ADGRG6: variants seen among roughly 807,000 people sequenced by gnomAD.
ADGRG6 encodes the protein G-protein coupled receptor 126.
A neutral mutation model predicts 142.4 loss-of-function variants in ADGRG6; 84 were observed. That is an observed-to-expected ratio of 0.59 (90% CI 0.49 to 0.71). The LOEUF is 0.71. Ranked by LOEUF, ADGRG6 falls within the 30% of genes least tolerant of loss-of-function variation. The probability of loss-of-function intolerance (pLI) is 0.00; values close to 1 mark genes in which losing one functional copy is unlikely to be tolerated. For missense variants in ADGRG6, 1,367 were observed against 1,466.6 expected (o/e 0.93, Z 1.11); for synonymous variants, 521 against 520.5 (o/e 1.00, Z -0.01).
At chr6:142,407,616 G>A (rs1232022560) in intron 15 of ADGRG6, among the ~76,000 whole-genome samples, 1 of 152,166 alleles carries the variant, frequency 6.6e-6, no homozygotes, top group Non-Finnish European at 1.5e-5. Flanking sequence ...GCAGATGCTG[G>A]CAAGTATACA....
chr6:142,319,828 T>G (rs1219596070), intron 2 of ADGRG6, among the ~76,000 whole-genome samples: 1 of 152,106 alleles, frequency 6.6e-6, no homozygotes, highest in Admixed American at 6.6e-5. Context: ...GAAAGCATCT[T>G]GAATTGGGAA....
chr6:142,401,278 T>C (rs958530490), intron 11 of ADGRG6, among the ~76,000 whole-genome samples: 1 of 152,200 alleles, frequency 6.6e-6, no homozygotes, highest in Non-Finnish European at 1.5e-5. Context: ...GTTTGAAATG[T>C]GGCTCCATCT....
chr6:142,321,286 T>TATAC (rs1778501161), intron 2 of ADGRG6, among the ~76,000 whole-genome samples: 1 of 147,778 alleles, frequency 6.8e-6, no homozygotes, highest in Non-Finnish European at 1.5e-5. Context: ...TAAGCATGCA[T>TATAC]ACACACACAC....
rs9376686 is a variant in ADGRG6 at position 142,325,564 on chromosome 6, A to T, written c.103+15920A>T. Among the ~76,000 whole-genome samples, 2,099 of 152,284 alleles carry T rather than the reference A, an allele frequency of 0.014. 127 individuals carry two copies. The East Asian group carries it at 0.21, about 15-fold the overall frequency. On this transcript the variant is annotated intron_variant, in intron 2 of 24. Transcript: ENST00000367609. Reference sequence around the variant, plus strand: ...TATTTTTTGCAATATAATGAATTGTATGTTTTGGATTTTTGACATTTTAAA... The same window carrying T: ...TATTTTTTGCAATATAATGAATTGTTTGTTTTGGATTTTTGACATTTTAAA...
At chr6:142,313,063 T>C (rs913920184) in intron 2 of ADGRG6, among the ~76,000 whole-genome samples, 1 of 152,066 alleles carries the variant, frequency 6.6e-6, no homozygotes, top group African/African-American at 2.4e-5. Context: ...AGGCACAGTT[T>C]GGAGAAACAG....
chr6:142,307,200 C>T (rs1489114149), intron 1 of ADGRG6, among the ~76,000 whole-genome samples: 1 of 152,078 alleles, frequency 6.6e-6, no homozygotes, highest in South Asian at 2.1e-4. Context: ...ATTATTCACA[C>T]ATTGATGAAA....
Position 142,302,311 on chromosome 6 carries a change from T to G in ADGRG6, c.-19T>G. 1.2e-6 allele frequency: 2 copies of G among 1,612,814 alleles called. No individual in the cohort carries two copies. The highest frequency in any genetic ancestry group is 1.7e-4 in the Middle Eastern group (1 of 6,056). ...GATGATCTTGCGGCCAAAGGGGACC[T>G]CGGCGCAGTAATGTCAACATGTAAG... On this transcript the variant is annotated 5_prime_UTR_variant, in exon 1 of 25. Transcript: ENST00000367609.
At chr6:142,401,430 T>C (rs1250950848) in intron 11 of ADGRG6, among the ~76,000 whole-genome samples, 1 of 152,226 alleles carries the variant, frequency 6.6e-6, no homozygotes, top group Non-Finnish European at 1.5e-5. Context: ...AAAGCAGTAC[T>C]TGGCCAATGT....
intron 2 of ADGRG6, among the ~76,000 whole-genome samples, chr6:142,349,998 C>T (rs971551260): frequency 2.6e-5 from 4 of 152,162 alleles, no homozygotes; most frequent in African/African-American, 9.6e-5. Flanking sequence ...GATATATTTA[C>T]CATTGAATGA....
In ADGRG6 at chr6:142,443,658, A is replaced by G; in HGVS notation, c.*143A>G. 7.3e-6 allele frequency: 4 copies of G among 549,226 alleles called. No homozygotes were observed. The highest frequency in any genetic ancestry group is 1.2e-5 in the Non-Finnish European group (4 of 320,818). 34.0% of individuals were successfully genotyped at this position (549,226 alleles called of 1,614,324 possible). ...ATTTTGTTAAGAAGGCTTTTGTGAA[A>G]TTCAGAATTTTTCTTTTTAATATAT... is the stretch of plus-strand genomic sequence containing the variant. On this transcript the variant is annotated 3_prime_UTR_variant, in exon 25 of 25. Transcript: ENST00000367609.
At chr6:142,331,275 C>G (rs1352924887) in intron 2 of ADGRG6, among the ~76,000 whole-genome samples, 1 of 152,014 alleles carries the variant, frequency 6.6e-6, no homozygotes, top group African/African-American at 2.4e-5. Context: ...CACTGCCCCT[C>G]CCCTCTGAAT....
chr6:142,348,829 G>C (rs1259442570), intron 2 of ADGRG6, among the ~76,000 whole-genome samples: 2 of 152,126 alleles, frequency 1.3e-5, no homozygotes, highest in Non-Finnish European at 2.9e-5. Flanking sequence ...AGAAAACATG[G>C]TGATCTTTAA....
Position 142,352,441 on chromosome 6 carries a change from A to G in ADGRG6, c.104-15128A>G, listed in dbSNP as rs559093362. 1.2e-4 allele frequency among the ~76,000 whole-genome samples: 18 copies of G among 152,232 alleles called. 2 individuals carry two copies. In the South Asian group the frequency reaches 3.7e-3, roughly 32 times the overall value. On this transcript the variant is annotated intron_variant, in intron 2 of 24. Coordinates refer to ENST00000367609, the MANE Select transcript of ADGRG6 (RefSeq NM_198569.3). ...AATACACATGGACATAAAGACAGGA[A>G]CAGCAGACACTAGGAACTGCTTGAG... is the stretch of plus-strand genomic sequence containing the variant.
intron 2 of ADGRG6, among the ~76,000 whole-genome samples, chr6:142,355,377 T>TA (rs2114795490): frequency 6.6e-6 from 1 of 152,278 alleles, no homozygotes; most frequent in Non-Finnish European, 1.5e-5. Flanking sequence ...TATTTCAAAA[T>TA]GACTTTCCAT....
At chr6:142,349,069 G>A (rs766462987) in intron 2 of ADGRG6, among the ~76,000 whole-genome samples, 2 of 152,220 alleles carry the variant, frequency 1.3e-5, no homozygotes, top group Non-Finnish European at 2.9e-5. Flanking sequence ...TAGTTAGGTG[G>A]TGAGTGGAAC....
intron 2 of ADGRG6, among the ~76,000 whole-genome samples, chr6:142,333,242 TG>T (rs944263420): frequency 2.0e-5 from 3 of 152,178 alleles, no homozygotes; most frequent in African/African-American, 7.2e-5. Flanking sequence ...GGGGACAGAA[TG>T]GGAGACCCAG....
At chr6:142,391,459 AC>A (rs1774893320) in intron 7 of ADGRG6, among the ~76,000 whole-genome samples, 5 of 151,340 alleles carry the variant, frequency 3.3e-5, no homozygotes, top group Non-Finnish European at 7.4e-5. Context: ...ACACACACAC[AC>A]ACACACACAC....
At chr6:142,364,505 T>C (rs1379602978) in intron 2 of ADGRG6, among the ~76,000 whole-genome samples, 2 of 152,212 alleles carry the variant, frequency 1.3e-5, no homozygotes, top group African/African-American at 4.8e-5. Context: ...TGTGTTATAG[T>C]AATTATTAAT....
intron 6 of ADGRG6, among the ~76,000 whole-genome samples, chr6:142,387,315 C>A (rs1243099596): frequency 6.6e-6 from 1 of 152,170 alleles, no homozygotes; most frequent in Non-Finnish European, 1.5e-5. Flanking sequence ...AAGGAATTAA[C>A]TCCATTAGTC....
Sources: allele counts gnomAD v4.1 joint callset (sites outside exome capture counted in the v4.1 genomes callset), GRCh38; gene constraint gnomAD v4.1.1; transcripts MANE v1.5; gene names NCBI Gene and HGNC (gene_info 2026-07-23, HGNC 2026-07-21).